The following SCG3 variants were observed in gnomAD, a reference collection of about 807,000 sequenced individuals.
The protein encoded by SCG3 is secretogranin III, also known as secretogranin-3.
In SCG3, 38 loss-of-function variants were observed where a neutral mutation model predicts 56.2. The observed-to-expected ratio is 0.68, with a 90% CI of 0.52 to 0.89. SCG3 has a LOEUF of 0.89. Among genes scored for constraint, SCG3 ranks in the 40% least tolerant of loss-of-function variants. SCG3 has a pLI of 0.00. For synonymous variants in SCG3, 176 were observed against 184.2 expected (o/e 0.96, Z 0.36); for missense variants, 524 against 540.7 (o/e 0.97, Z 0.31).
intron 6 of SCG3, 62 bp downstream of exon 6, chr15:51,689,430 T>TGTGC: frequency 6.7e-7 from 1 of 1,501,838 alleles, no homozygotes; most frequent in Middle Eastern, 1.8e-4. Flanking sequence ...TGTGTGTGTG[T>TGTGC]GTACTTCTAT....
Position 51,692,273 on chromosome 15 carries a change from G to T in SCG3, c.805G>T (p.Asp269Tyr). The T allele has an allele frequency of 6.2e-7, 1 of 1,614,084 alleles. No individual in the cohort carries two copies. Among genetic ancestry groups the T allele is most frequent in the South Asian group, 1.1e-5 (1 of 91,080 alleles). Residue 269 changes from aspartate to tyrosine, a missense_variant, in exon 7 of 12, where the codon GAC becomes TAC. Asp to Tyr is a radical substitution (Grantham distance 160, BLOSUM62 -3). Transcript: ENST00000220478. ...LERRTKTYSE[D>Y]NFEELQYFPN... ...AAGGAGAACTAAAACCTACAGTGAA[G>T]ACAACTTTGAGGAACTCCAATATTT...
intron 10 of SCG3, among the ~76,000 whole-genome samples, chr15:51,711,342 G>GCT (rs757917491): frequency 1.3e-5 from 2 of 152,202 alleles, no homozygotes; most frequent in Non-Finnish European, 2.9e-5. Context: ...TCCCAAAAAA[G>GCT]CTCTAACATC....
Position 51,719,559 on chromosome 15 carries a change from T to C in SCG3, c.*33T>C. 1 of 1,439,670 alleles carries C rather than the reference T, an allele frequency of 6.9e-7. No homozygotes were observed. The highest frequency in any genetic ancestry group is 2.3e-5 in the East Asian group (1 of 43,966). The allele number at this position is 1,439,670 out of a possible 1,614,324, so 89.2% of individuals were successfully genotyped here. A position where few individuals can be genotyped will look rare whatever the true frequency, so the allele number is the denominator to read the frequency against. On this transcript the variant is annotated 3_prime_UTR_variant, in exon 12 of 12. Transcript: ENST00000220478. ...AAAAGATCCAGGAGTCTTTCAACTG[T>C]TTCAGAAAACATAATATAGCTTAAA...
chr15:51,692,124 AATG>A, intron 6 of SCG3, 32 bp from the exon 7 acceptor site: 1 of 1,564,218 alleles, frequency 6.4e-7, no homozygotes, highest in South Asian at 1.2e-5. Context: ...GTTCTAACAA[AATG>A]TTCATTTTTT....
chr15:51,711,966 A>G (rs1240101553), intron 10 of SCG3, among the ~76,000 whole-genome samples: 3 of 152,158 alleles, frequency 2.0e-5, no homozygotes, highest in Non-Finnish European at 2.9e-5. Flanking sequence ...AGTGCGGGCA[A>G]TTGGAACATG....
chr15:51,720,772 C>T lies in SCG3; in HGVS notation c.*1246C>T. 1 of 154,388 alleles carries T rather than the reference C, an allele frequency of 6.5e-6. No individual in the cohort carries two copies. The highest frequency in any genetic ancestry group is 1.4e-5 in the Non-Finnish European group (1 of 69,750). The allele number at this position is 154,388 out of a possible 1,614,324, so 9.6% of individuals were successfully genotyped here. A position where few individuals can be genotyped will look rare whatever the true frequency, so the allele number is the denominator to read the frequency against. On this transcript the variant is annotated 3_prime_UTR_variant, in exon 12 of 12. Transcript: ENST00000220478. ...TAGCTAGCAATAGGTTTGTAAAATG[C>T]ACCCATCAGCACTCTGTAAAACGCA...
chr15:51,719,610 T>G lies in SCG3; in HGVS notation c.*84T>G, dbSNP rs73405322. 6.6e-3 allele frequency: 6,682 copies of G among 1,007,778 alleles called. 45 individuals are homozygous for G. Among genetic ancestry groups the G allele is most frequent in the African/African-American group, 0.021 (1,297 of 61,440 alleles). 62.4% of individuals were successfully genotyped at this position (1,007,778 alleles called of 1,614,324 possible). On this transcript the variant is annotated 3_prime_UTR_variant, in exon 12 of 12. Coordinates refer to ENST00000220478, the MANE Select transcript of SCG3 (RefSeq NM_013243.4). ...ACACTTCTAATTCTGTGATTAAAAT[T>G]TTTTGACCCAAGGGTTATTAGAAAG...
At chr15:51,682,708 C>A in intron 2 of SCG3, 139 bp downstream of exon 2, 1 of 594,352 alleles carries the variant, frequency 1.7e-6, no homozygotes, top group Non-Finnish European at 2.9e-6. Context: ...GAAATTAGGA[C>A]GGGAAATCTA....
chr15:51,695,829 G>A (rs202079652), intron 7 of SCG3, 46 bp from the exon 8 acceptor site: 7 of 991,038 alleles, frequency 7.1e-6, no homozygotes, highest in Non-Finnish European at 1.1e-5. Context: ...CATTGAAAGA[G>A]GAAGCTATCC....
At chr15:51,686,674 T>C (rs1454804863) in intron 4 of SCG3, among the ~76,000 whole-genome samples, 1 of 140,268 alleles carries the variant, frequency 7.1e-6, no homozygotes, top group Non-Finnish European at 1.5e-5. Flanking sequence ...GGAGGAGAAC[T>C]GATTTTATGT....
chr15:51,697,957 CA>C (rs1326202344), intron 8 of SCG3, among the ~76,000 whole-genome samples: 1 of 152,140 alleles, frequency 6.6e-6, no homozygotes, highest in Non-Finnish European at 1.5e-5. Flanking sequence ...CTCAGGGCAG[CA>C]TGGGTAGAAG....
rs937793115 is a variant in SCG3 at position 51,700,859 on chromosome 15, T to TG, written c.1070-241dup. ...TTCAGAAAGCTGGGGTGGGGTGGGG[T>TG]GGGGGGGATATATCTAAAGTCAACT... On this transcript the variant is annotated intron_variant, in intron 9 of 11. Transcript: ENST00000220478. Among the ~76,000 whole-genome samples the TG allele has an allele frequency of 2.3e-4, 6 of 26,358 alleles. No homozygotes were observed. In the Admixed American group the frequency reaches 2.3e-3, roughly 10 times the overall value. 17.3% of individuals were successfully genotyped at this position (26,358 alleles called of 152,430 possible). A position where few individuals can be genotyped will look rare whatever the true frequency, so the allele number is the denominator to read the frequency against.
chr15:51,689,009 T>C (rs540286269), intron 5 of SCG3, among the ~76,000 whole-genome samples: 12 of 152,284 alleles, frequency 7.9e-5, no homozygotes, highest in African/African-American at 2.6e-4. Context: ...ACAGCTTGCA[T>C]GGTGGGCCCG....
In SCG3 at chr15:51,681,516, C is replaced by A; in HGVS notation, c.-240C>A. 2 of 545,254 alleles carry A rather than the reference C, an allele frequency of 3.7e-6. No homozygotes were observed. The highest frequency in any genetic ancestry group is 6.0e-5 in the East Asian group (2 of 33,114). The allele number at this position is 545,254 out of a possible 1,614,324, so 33.8% of individuals were successfully genotyped here. On this transcript the variant is annotated 5_prime_UTR_variant, in exon 1 of 12. Coordinates refer to ENST00000220478, the MANE Select transcript of SCG3 (RefSeq NM_013243.4). ...AGTCTCCGCGTCACAGGAACTTCAG[C>A]ACCCACAGGGCGGACAGCGCTCCCC...
At chr15:51,697,657 T>G (rs2055312511) in intron 8 of SCG3, among the ~76,000 whole-genome samples, 1 of 152,250 alleles carries the variant, frequency 6.6e-6, no homozygotes. Flanking sequence ...AAGAGGAGAC[T>G]AAAGTAAATT....
chr15:51,682,743 C>G (rs2055202750), intron 2 of SCG3, among the ~76,000 whole-genome samples, 174 bp downstream of exon 2: 1 of 152,172 alleles, frequency 6.6e-6, no homozygotes, highest in African/African-American at 2.4e-5. Context: ...TATGCCCTAG[C>G]AGTTATTTAC....
chr15:51,710,948 A>G (rs766326558), intron 10 of SCG3, among the ~76,000 whole-genome samples: 1 of 152,058 alleles, frequency 6.6e-6, no homozygotes, highest in Non-Finnish European at 1.5e-5. Flanking sequence ...GGCATGCACT[A>G]AGAGAAGGAT....
chr15:51,709,316 A>G (rs777376253), intron 10 of SCG3, among the ~76,000 whole-genome samples: 10 of 152,108 alleles, frequency 6.6e-5, no homozygotes, highest in Non-Finnish European at 1.2e-4. Flanking sequence ...CTCCCATGAC[A>G]CATGGGGATT....
intron 10 of SCG3, among the ~76,000 whole-genome samples, chr15:51,704,194 T>C (rs1254866229): frequency 1.4e-5 from 2 of 146,218 alleles, no homozygotes; most frequent in Non-Finnish European, 3.0e-5. Flanking sequence ...GGATGGGTGG[T>C]AAACTCTTTT....
Sources: gnomAD v4.1 joint callset for allele counts (sites outside exome capture counted in the v4.1 genomes callset) on GRCh38, gnomAD v4.1.1 for gene constraint, MANE v1.5 for transcripts, NCBI Gene and HGNC (gene_info 2026-07-23, HGNC 2026-07-21) for gene names.